GXYLT2: variants seen among roughly 807,000 people sequenced by gnomAD.
GXYLT2 encodes the protein glycosyltransferase 8 domain containing 4.
A neutral mutation model predicts 45.8 loss-of-function variants in GXYLT2; 53 were observed. The observed-to-expected ratio is 1.16, with a 90% confidence interval of 0.93 to 1.46. The LOEUF is 1.46. Among genes scored for constraint, GXYLT2 ranks in the 40% most tolerant of loss-of-function variants. GXYLT2 has a pLI of 0.00. For synonymous variants in GXYLT2, 219 were observed against 214.2 expected (o/e 1.02, Z -0.19); for missense variants, 551 against 544.4 (o/e 1.01, Z -0.12).
chr3:72,929,943 G>T lies in GXYLT2; in HGVS notation c.600+7608G>T, dbSNP rs150657063. On this transcript the variant is annotated intron_variant, in intron 3 of 6. Transcript: ENST00000389617. ...GCACTTTGGGAGGCCAAGGCAGGTG[G>T]ATCACCTGAGGTCAGAAGTTCAAAA... 6.2e-3 allele frequency among the ~76,000 whole-genome samples: 938 copies of T among 152,232 alleles called. 7 individuals are homozygous for T. The highest frequency in any genetic ancestry group is 0.021 in the African/African-American group (873 of 41,556).
At chr3:72,973,550 G>A (rs13081583) in intron 6 of GXYLT2, among the ~76,000 whole-genome samples, 11,424 of 152,284 alleles carry the variant, frequency 0.075, 470 homozygotes, top group South Asian at 0.1. Context: ...GGATGCAAGA[G>A]TGAAAACACA....
intron 3 of GXYLT2, among the ~76,000 whole-genome samples, chr3:72,944,769 T>C (rs143988152): frequency 1.3e-5 from 2 of 152,246 alleles, no homozygotes; most frequent in Non-Finnish European, 2.9e-5. Context: ...TTGTCTTTGC[T>C]TCTGTTCTTT....
At chr3:72,898,291 C>T (rs919484248) in intron 1 of GXYLT2, among the ~76,000 whole-genome samples, 5 of 152,100 alleles carry the variant, frequency 3.3e-5, no homozygotes, top group Admixed American at 2.6e-4. Context: ...TGTTCTTTTT[C>T]AGGAAATGAG....
intron 3 of GXYLT2, among the ~76,000 whole-genome samples, chr3:72,934,661 T>A (rs1163166403): frequency 6.6e-6 from 1 of 152,194 alleles, no homozygotes; most frequent in Non-Finnish European, 1.5e-5. Flanking sequence ...ACTGTTTAAC[T>A]TGGAATTTGA....
At chr3:72,912,013 A>ATTTT (rs35108267) in intron 2 of GXYLT2, among the ~76,000 whole-genome samples, 7,700 of 114,748 alleles carry the variant, frequency 0.067, 323 homozygotes, top group Non-Finnish European at 0.08. Context: ...ATATATATAT[A>ATTTT]TTTTTTTTTT....
chr3:72,914,624 A>G (rs1355196459), intron 2 of GXYLT2, among the ~76,000 whole-genome samples: 2 of 152,088 alleles, frequency 1.3e-5, no homozygotes, highest in East Asian at 3.9e-4. Flanking sequence ...TGGCAAGAAG[A>G]GAGCTGCCAT....
chr3:72,926,684 A>G (rs1709924454), intron 3 of GXYLT2, among the ~76,000 whole-genome samples: 1 of 152,200 alleles, frequency 6.6e-6, no homozygotes, highest in African/African-American at 2.4e-5. Flanking sequence ...GAGAGAAATT[A>G]TGAAGATTTC....
chr3:72,937,614 G>A (rs1300980820), intron 3 of GXYLT2, among the ~76,000 whole-genome samples: 1 of 152,160 alleles, frequency 6.6e-6, no homozygotes, highest in Non-Finnish European at 1.5e-5. Context: ...CTGGATTGAA[G>A]CCCAAGATTC....
chr3:72,946,211 A>G (rs1710401424), intron 3 of GXYLT2, among the ~76,000 whole-genome samples: 1 of 131,744 alleles, frequency 7.6e-6, no homozygotes, highest in African/African-American at 2.8e-5. Context: ...CAGGAAGTTG[A>G]GGCTGCAGTG....
chr3:72,912,520 A>G (rs1709652257), intron 2 of GXYLT2, among the ~76,000 whole-genome samples: 1 of 152,238 alleles, frequency 6.6e-6, no homozygotes, highest in East Asian at 1.9e-4. Flanking sequence ...TTACATATAT[A>G]TGTACATACA....
At chr3:72,930,322 T>C (rs1489765199) in intron 3 of GXYLT2, among the ~76,000 whole-genome samples, 2 of 150,220 alleles carry the variant, frequency 1.3e-5, no homozygotes, top group Non-Finnish European at 3.0e-5. Context: ...GCCAACATGG[T>C]GAAACCTCAT....
chr3:72,967,284 GC>G (rs1710883760), intron 5 of GXYLT2, among the ~76,000 whole-genome samples: 1 of 152,152 alleles, frequency 6.6e-6, no homozygotes, highest in Non-Finnish European at 1.5e-5. Context: ...GCTGCCTCGT[GC>G]CTGTGTTTGC....
intron 2 of GXYLT2, among the ~76,000 whole-genome samples, chr3:72,915,362 G>GGT (rs1709719678): frequency 9.1e-6 from 1 of 109,798 alleles, no homozygotes; most frequent in Non-Finnish European, 2.0e-5. Context: ...TTTGCGGGGG[G>GGT]GGGGGGGATT....
At chr3:72,929,067 T>G in intron 3 of GXYLT2, 2 of 1,586,654 alleles carry the variant, frequency 1.3e-6, no homozygotes, top group Non-Finnish European at 8.5e-7. Flanking sequence ...ACCTCGCAGG[T>G]GCGCCAGAGC....
At chr3:72,960,216 C>A (rs540906655) in intron 5 of GXYLT2, among the ~76,000 whole-genome samples, 8 of 152,184 alleles carry the variant, frequency 5.3e-5, no homozygotes, top group Non-Finnish European at 1.0e-4. Context: ...CCACCACACC[C>A]GGCCCTTTTC....
rs36027041 is a variant in GXYLT2, at chr3:72,950,628, T to TAA, written c.601-4459_601-4458dup. ...CTGGGTGACAGAGTGAAACCCTGTC[T>TAA]AAAAAAAAAAAATGGGCCAAAAGAG... On this transcript the variant is annotated intron_variant, in intron 3 of 6. Coordinates refer to ENST00000389617, the MANE Select transcript of GXYLT2 (RefSeq NM_001080393.2). Among the ~76,000 whole-genome samples, 520 of 145,452 alleles carry TAA rather than the reference T, an allele frequency of 3.6e-3. 4 individuals carry two copies. The highest frequency in any genetic ancestry group is 0.012 in the African/African-American group (471 of 39,782).
rs944331994 is a variant in GXYLT2 at position 72,939,793 on chromosome 3, C to T, written c.601-15305C>T. On this transcript the variant is annotated intron_variant, in intron 3 of 6. Coordinates refer to ENST00000389617, the MANE Select transcript of GXYLT2 (RefSeq NM_001080393.2). ...CCTCCCCAGGCTCAGGTGATTCCCTCACCTCAGCCTCCTGAGTAGCTGAGA... is the reference window on the plus strand; with the variant it reads ...CCTCCCCAGGCTCAGGTGATTCCCTTACCTCAGCCTCCTGAGTAGCTGAGA... 4.0e-5 allele frequency among the ~76,000 whole-genome samples: 6 copies of T among 151,754 alleles called. No homozygotes were observed. In the South Asian group the frequency reaches 1.3e-3, roughly 32 times the overall value.
At chr3:72,903,953 G>C (rs568492626) in intron 1 of GXYLT2, among the ~76,000 whole-genome samples, 8 of 152,244 alleles carry the variant, frequency 5.3e-5, no homozygotes, top group Admixed American at 5.2e-4. Flanking sequence ...CTAGATCCAG[G>C]TGGTATCACC....
intron 3 of GXYLT2, among the ~76,000 whole-genome samples, chr3:72,948,600 AG>A (rs1315619917): frequency 6.6e-6 from 1 of 152,176 alleles, no homozygotes; most frequent in Non-Finnish European, 1.5e-5. Flanking sequence ...GCACTTTGGG[AG>A]GCCAAGGCGG....
Sources: gnomAD v4.1 joint callset for allele counts (sites outside exome capture counted in the v4.1 genomes callset) on GRCh38, gnomAD v4.1.1 for gene constraint, MANE v1.5 for transcripts, NCBI Gene and HGNC (gene_info 2026-07-23, HGNC 2026-07-21) for gene names.